Variants in FLACC1 observed in about 807,000 individuals in gnomAD.
FLACC1 encodes the protein flagellum associated containing coiled-coil domains 1.
FLACC1 carries 66 observed loss-of-function variants against 62.8 expected under a neutral mutation model. The ratio of observed to expected loss-of-function variants is 1.05; its 90% CI spans 0.86 to 1.29. FLACC1 has a LOEUF of 1.29. Ranked by LOEUF, FLACC1 falls within the 50% of genes most tolerant of loss-of-function variation. The pLI, the probability that FLACC1 is intolerant of heterozygous loss-of-function variation, is 0.00. For synonymous variants in FLACC1, 156 were observed against 161.0 expected (o/e 0.97, Z 0.24); for missense variants, 452 against 489.1 (o/e 0.92, Z 0.71).
At chr2:201,294,466 C>T (rs1026413168) in intron 12 of FLACC1, among the ~76,000 whole-genome samples, 13 of 152,110 alleles carry the variant, frequency 8.5e-5, no homozygotes, top group African/African-American at 2.4e-4. Context: ...CAACAAAATT[C>T]GAAAACCGTT....
At chr2:201,350,548 G>A (rs889405267) in intron 3 of FLACC1, among the ~76,000 whole-genome samples, 163 bp downstream of exon 3, 3 of 151,790 alleles carry the variant, frequency 2.0e-5, no homozygotes, top group Admixed American at 6.6e-5. Flanking sequence ...GCATGGTGGC[G>A]CGCACACCTG....
intron 9 of FLACC1, among the ~76,000 whole-genome samples, chr2:201,310,186 G>A (rs1238440225): frequency 6.6e-6 from 1 of 152,046 alleles, no homozygotes; most frequent in Non-Finnish European, 1.5e-5. Flanking sequence ...TTAGCAGAAG[G>A]ATTCACACCC....
chr2:201,291,199 T>C (rs1340208378), intron 12 of FLACC1, among the ~76,000 whole-genome samples: 2 of 152,156 alleles, frequency 1.3e-5, no homozygotes, highest in African/African-American at 4.8e-5. Flanking sequence ...AGCACGCAGC[T>C]TGAGATCTGA....
At chr2:201,329,369 G>A (rs76393679) in intron 9 of FLACC1, among the ~76,000 whole-genome samples, 104 of 152,238 alleles carry the variant, frequency 6.8e-4, no homozygotes, top group African/African-American at 2.3e-3. Flanking sequence ...GTTCATTGCC[G>A]GTGGAAAGCA....
At chr2:201,324,856 C>T (rs1559404491) in intron 9 of FLACC1, among the ~76,000 whole-genome samples, 3 of 152,080 alleles carry the variant, frequency 2.0e-5, no homozygotes, top group African/African-American at 7.2e-5. Flanking sequence ...AGGTGGGGTT[C>T]GGTGGCTCAT....
chr2:201,352,760 C>A (rs1022426010), intron 1 of FLACC1, among the ~76,000 whole-genome samples: 4 of 152,132 alleles, frequency 2.6e-5, no homozygotes, highest in Non-Finnish European at 5.9e-5. Flanking sequence ...TGTCCTAATC[C>A]CTGGAAAGTG....
intron 9 of FLACC1, among the ~76,000 whole-genome samples, chr2:201,320,399 C>T (rs1950382028): frequency 1.3e-5 from 2 of 152,214 alleles, no homozygotes; most frequent in African/African-American, 2.4e-5. Context: ...GCCTGAAAGC[C>T]GTGATTGCTA....
chr2:201,356,423 G>A lies in FLACC1; in HGVS notation c.-48+559C>T, dbSNP rs1206369490. The stretch of plus-strand genomic sequence containing the variant: ...GATCCACCCATCTCAGCCTCCCAAA[G>A]TGCTGGGATTACAGGTGTGAGCTAC... On this transcript the variant is annotated intron_variant, in intron 1 of 14. Coordinates refer to ENST00000392257, the MANE Select transcript of FLACC1 (RefSeq NM_001127391.3). Among the ~76,000 whole-genome samples the A allele has an allele frequency of 5.3e-5, 8 of 152,298 alleles. No homozygotes were observed. The East Asian group carries it at 7.7e-4, about 15-fold the overall frequency.
intron 7 of FLACC1, among the ~76,000 whole-genome samples, chr2:201,331,323 AGGG>A (rs1302547758): frequency 1.3e-4 from 20 of 152,104 alleles, no homozygotes; most frequent in African/African-American, 4.8e-4. Context: ...AGAAAGGGTG[AGGG>A]GACCCTTTTC....
At chr2:201,325,187 G>C (rs908303378) in intron 9 of FLACC1, among the ~76,000 whole-genome samples, 1 of 152,080 alleles carries the variant, frequency 6.6e-6, no homozygotes, top group Admixed American at 6.6e-5. Flanking sequence ...TGCTAGGAAA[G>C]TTTATAGTGC....
At chr2:201,360,002 GAGGAAGTAAGTGCTGA>G (rs1951171293), upstream of FLACC1, among the ~76,000 whole-genome samples, 1 of 151,550 alleles carries the variant, frequency 6.6e-6, no homozygotes, top group South Asian at 2.1e-4. Flanking sequence ...CAGAGATACA[GAGGAAGTAAGTGCTGA>G]AGGAATACCC....
At chr2:201,340,986 T>C (rs1950796866) in intron 7 of FLACC1, among the ~76,000 whole-genome samples, 1 of 152,210 alleles carries the variant, frequency 6.6e-6, no homozygotes, top group Non-Finnish European at 1.5e-5. Flanking sequence ...GGCACTCCTT[T>C]GTATGTGACG....
intron 7 of FLACC1, among the ~76,000 whole-genome samples, chr2:201,334,698 G>A (rs533841865): frequency 1.3e-5 from 2 of 151,416 alleles, no homozygotes; most frequent in South Asian, 2.1e-4. Context: ...CAGGAGAATC[G>A]CTTGAACTCA....
At chr2:201,362,568 G>A in the FLACC1 span, among the ~76,000 whole-genome samples, 1 of 152,242 alleles carries the variant, frequency 6.6e-6, no homozygotes, top group East Asian at 1.9e-4. Context: ...CATGGGAGAG[G>A]CAGACAGCCT....
chr2:201,337,570 T>C (rs1384108395), intron 7 of FLACC1, among the ~76,000 whole-genome samples: 1 of 152,186 alleles, frequency 6.6e-6, no homozygotes, highest in Admixed American at 6.5e-5. Context: ...AGGAGTGCAG[T>C]TGGAGTGCAG....
At position 201,310,422 on chromosome 2, in the gene FLACC1, T is replaced by C. The variant is rs192981311; in HGVS notation, c.676-1172A>G. On this transcript the variant is annotated intron_variant, in intron 9 of 14. Coordinates refer to ENST00000392257, the MANE Select transcript of FLACC1 (RefSeq NM_001127391.3). ...AGGGGTTTCCTGGGACTCTGGACTC[T>C]CAGTGCTAAAACCTGGAAAGTCTCA... is the stretch of plus-strand genomic sequence containing the variant. Among the ~76,000 whole-genome samples, 34 of 152,290 alleles carry C rather than the reference T, an allele frequency of 2.2e-4. No individual in the cohort carries two copies. The East Asian group carries it at 5.0e-3, about 22-fold the overall frequency.
intron 9 of FLACC1, among the ~76,000 whole-genome samples, chr2:201,311,158 T>TAAAAAAAAA (rs373798913): frequency 7.6e-6 from 1 of 132,102 alleles, no homozygotes; most frequent in Non-Finnish European, 1.6e-5. Flanking sequence ...AATCTAACAC[T>TAAAAAAAAA]AAAAAAAAAA....
intron 12 of FLACC1, among the ~76,000 whole-genome samples, chr2:201,293,163 C>G (rs1412266485): frequency 2.0e-5 from 3 of 152,144 alleles, no homozygotes; most frequent in Non-Finnish European, 2.9e-5. Flanking sequence ...AGCTCTGCAC[C>G]AAGCAGACCT....
At chr2:201,339,066 C>CTTTTTTTTTTTTTTTTTT (rs1559414089) in intron 7 of FLACC1, among the ~76,000 whole-genome samples, 5 of 151,856 alleles carry the variant, frequency 3.3e-5, no homozygotes, top group African/African-American at 9.7e-5. Context: ...TGTTGGGAGA[C>CTTTTTTTTTTTTTTTTTT]TTTTTATTAC....
Sources: gnomAD v4.1 joint callset for allele counts (sites outside exome capture counted in the v4.1 genomes callset) on GRCh38, gnomAD v4.1.1 for gene constraint, MANE v1.5 for transcripts, NCBI Gene and HGNC (gene_info 2026-07-23, HGNC 2026-07-21) for gene names.